EFCAB7: variants seen among roughly 807,000 people sequenced by gnomAD.
EFCAB7 encodes the protein EF-hand calcium binding domain 7.
Under a neutral mutation model 77.1 loss-of-function variants are expected in EFCAB7, and 66 were observed. That is an observed-to-expected ratio of 0.86 (90% CI 0.70 to 1.05). The LOEUF (loss-of-function observed/expected upper bound fraction) is 1.05. Among genes scored for constraint, EFCAB7 ranks in the 50% least tolerant of loss-of-function variants. The pLI, the probability that EFCAB7 is intolerant of heterozygous loss-of-function variation, is 0.00. For synonymous variants in EFCAB7, 225 were observed against 243.3 expected (o/e 0.92, Z 0.70); for missense variants, 638 against 730.5 (o/e 0.87, Z 1.46).
chr1:63,533,598 C>A lies in EFCAB7; in HGVS notation c.631C>A (p.Pro211Thr). The change falls in exon 5 of 14, where the codon CCA (proline) becomes ACA (threonine). Residue 211 changes from proline (P) to threonine (T), a missense_variant. Coordinates refer to ENST00000371088, the MANE Select transcript of EFCAB7 (RefSeq NM_032437.4). Reference protein sequence around the residue: ...PERDPSPVPKPSPKITRKTDP... With the variant: ...PERDPSPVPKTSPKITRKTDP... Reference sequence around the variant, plus strand: ...AAGGGACCCATCACCAGTACCAAAACCATCACCTAAAATCACAAGAAAAAC... The same window carrying A: ...AAGGGACCCATCACCAGTACCAAAAACATCACCTAAAATCACAAGAAAAAC... The A allele has an allele frequency of 6.3e-7, 1 of 1,599,218 alleles. No homozygotes were observed. Among genetic ancestry groups the A allele is most frequent in the Non-Finnish European group, 8.5e-7 (1 of 1,175,798 alleles).
At position 63,532,697 on chromosome 1, in the gene EFCAB7, G is replaced by A; in HGVS notation, c.427G>A (p.Val143Ile). 1 of 1,601,688 alleles carries A rather than the reference G, an allele frequency of 6.2e-7. No homozygotes were observed. Among genetic ancestry groups the A allele is most frequent in the Non-Finnish European group, 8.5e-7 (1 of 1,175,448 alleles). The change falls in exon 4 of 14, where the codon GTA becomes ATA. Residue 143 changes from valine (V) to isoleucine (I), a missense_variant. Coordinates refer to ENST00000371088, the MANE Select transcript of EFCAB7 (RefSeq NM_032437.4). ...KRGEKMTREE[V>I]NAIINLADVN... ...AGGTGAGAAGATGACTCGAGAAGAAGTAAATGCCATAATAAATTTGGCTGA... is the reference window on the plus strand; with the variant it reads ...AGGTGAGAAGATGACTCGAGAAGAAATAAATGCCATAATAAATTTGGCTGA...
chr1:63,528,066 C>T (rs535011540), intron 2 of EFCAB7: 1 of 152,208 alleles, frequency 6.6e-6, no homozygotes, highest in Non-Finnish European at 1.5e-5. Flanking sequence ...GATCTAGCAT[C>T]CTACTGCTTG....
chr1:63,559,301 C>CAA (rs71052490), intron 10 of EFCAB7, among the ~76,000 whole-genome samples: 16,171 of 62,136 alleles, frequency 0.26, 2,635 homozygotes, highest in East Asian at 0.42. Context: ...GACTCTGTCT[C>CAA]AAAAAAAAAA....
the EFCAB7 span, among the ~76,000 whole-genome samples, chr1:63,578,279 A>G: frequency 6.6e-6 from 1 of 152,200 alleles, no homozygotes; most frequent in Non-Finnish European, 1.5e-5. Context: ...ATCATAAGCA[A>G]TAGATCAATC....
At chr1:63,560,674 C>A (rs920598329) in intron 10 of EFCAB7, among the ~76,000 whole-genome samples, 3 of 151,892 alleles carry the variant, frequency 2.0e-5, no homozygotes, top group African/African-American at 7.3e-5. Flanking sequence ...TGCCAGCATG[C>A]CGGGCTAATT....
the EFCAB7 span, among the ~76,000 whole-genome samples, chr1:63,582,911 A>C: frequency 6.6e-6 from 1 of 152,282 alleles, no homozygotes; most frequent in East Asian, 1.9e-4. Flanking sequence ...AGCCATGCAA[A>C]AGGAAGTTTA....
chr1:63,579,028 G>A, the EFCAB7 span, among the ~76,000 whole-genome samples: 1 of 151,940 alleles, frequency 6.6e-6, no homozygotes, highest in South Asian at 2.1e-4. Flanking sequence ...TTCCTGTGGG[G>A]TTTTTATTTC....
chr1:63,574,791 G>A (rs1647364052), downstream of EFCAB7, among the ~76,000 whole-genome samples: 2 of 152,134 alleles, frequency 1.3e-5, no homozygotes, highest in South Asian at 4.1e-4. Context: ...TGCAAGATAT[G>A]GAAGGCATAT....
At chr1:63,532,448 A>G (rs1449186848) in intron 3 of EFCAB7, among the ~76,000 whole-genome samples, 1 of 152,078 alleles carries the variant, frequency 6.6e-6, no homozygotes, top group Non-Finnish European at 1.5e-5. Flanking sequence ...GTTAGTTACT[A>G]TTTAGTAAAC....
At chr1:63,542,734 T>C (rs1468459142) in intron 6 of EFCAB7, among the ~76,000 whole-genome samples, 1 of 152,214 alleles carries the variant, frequency 6.6e-6, no homozygotes, top group African/African-American at 2.4e-5. Flanking sequence ...TTCATTTGCT[T>C]ATTGGCCTTC....
At chr1:63,532,169 G>C (rs767716538) in intron 3 of EFCAB7, 138 bp downstream of exon 3, 1 of 678,488 alleles carries the variant, frequency 1.5e-6, no homozygotes, top group East Asian at 2.8e-5. Flanking sequence ...TATTTATAAC[G>C]TACTTAGGAA....
At chr1:63,524,824 C>T (rs1361219486) in intron 1 of EFCAB7, among the ~76,000 whole-genome samples, 2 of 152,276 alleles carry the variant, frequency 1.3e-5, no homozygotes, top group South Asian at 2.1e-4. Context: ...AAATACCTGA[C>T]CGCTGTAATA....
the EFCAB7 span, among the ~76,000 whole-genome samples, chr1:63,579,700 T>C: frequency 1.3e-5 from 2 of 152,204 alleles, no homozygotes; most frequent in Admixed American, 1.3e-4. Context: ...TGCAACCTTA[T>C]CAGTACTCGG....
intron 2 of EFCAB7, 85 bp from the exon 3 acceptor site, chr1:63,531,735 A>G: frequency 9.0e-7 from 1 of 1,115,886 alleles, no homozygotes; most frequent in Non-Finnish European, 1.3e-6. Flanking sequence ...AAATATCATA[A>G]TACATAATGA....
chr1:63,578,881 T>G, the EFCAB7 span, among the ~76,000 whole-genome samples: 1 of 152,242 alleles, frequency 6.6e-6, no homozygotes, highest in Non-Finnish European at 1.5e-5. Flanking sequence ...GAAGACAGAT[T>G]GTGAACAAGT....
At chr1:63,553,742 C>A (rs1646994435) in intron 8 of EFCAB7, among the ~76,000 whole-genome samples, 1 of 152,166 alleles carries the variant, frequency 6.6e-6, no homozygotes, top group Non-Finnish European at 1.5e-5. Flanking sequence ...GTTGCCAGGG[C>A]AGAAATGGAA....
intron 6 of EFCAB7, among the ~76,000 whole-genome samples, chr1:63,542,058 C>T (rs1443764052): frequency 1.3e-5 from 2 of 152,114 alleles, no homozygotes; most frequent in Admixed American, 1.3e-4. Context: ...ATCTCCAGGA[C>T]TTTTTCATCT....
At chr1:63,585,150 G>T in the EFCAB7 span, among the ~76,000 whole-genome samples, 1 of 139,676 alleles carries the variant, frequency 7.2e-6, no homozygotes, top group Non-Finnish European at 1.5e-5. Flanking sequence ...TTTGGAAGAG[G>T]TTTTTTTTTT....
chr1:63,565,376 C>CA (rs1344956049), intron 11 of EFCAB7, among the ~76,000 whole-genome samples: 25 of 149,202 alleles, frequency 1.7e-4, no homozygotes, highest in Non-Finnish European at 2.2e-4. Flanking sequence ...AAAACAACAA[C>CA]AACAAAAAAA....
Sources: allele counts gnomAD v4.1 joint callset (sites outside exome capture counted in the v4.1 genomes callset), GRCh38; gene constraint gnomAD v4.1.1; transcripts MANE v1.5; gene names NCBI Gene and HGNC (gene_info 2026-07-23, HGNC 2026-07-21).